Variants in RGPD2 observed in about 807,000 individuals in gnomAD.
The protein encoded by RGPD2 is RANBP2-like and GRIP domain-containing protein 2.
In RGPD2, 2 loss-of-function variants were observed where a neutral mutation model predicts 36.0. The observed-to-expected ratio is 0.06, with a 90% confidence interval of 0.02 to 0.17. RGPD2 has a LOEUF of 0.17. Among genes scored for constraint, RGPD2 ranks in the 10% least tolerant of loss-of-function variants. The pLI is 1.00. For synonymous variants in RGPD2, 19 were observed against 163.8 expected (o/e 0.12, Z 6.75); for missense variants, 40 against 464.3 (o/e 0.09, Z 8.40).
chr2:87,829,181 T>A (rs1686905011), upstream of RGPD2, among the ~76,000 whole-genome samples: 2 of 39,160 alleles, frequency 5.1e-5, no homozygotes, highest in African/African-American at 1.7e-4. Context: ...ACTTTAAAAT[T>A]GCTTTAACAG....
the RGPD2 span, among the ~76,000 whole-genome samples, chr2:87,857,906 C>T: frequency 1.4e-4 from 21 of 152,126 alleles, no homozygotes; most frequent in Middle Eastern, 3.4e-3. Context: ...TGAGTAGATA[C>T]TGTATGTAGT....
chr2:87,883,326 T>TA, the RGPD2 span, among the ~76,000 whole-genome samples: 1 of 149,400 alleles, frequency 6.7e-6, no homozygotes, highest in Non-Finnish European at 1.5e-5. Context: ...CACAAAAGAA[T>TA]AAAAAAGATA....
At chr2:87,855,745 C>CT in the RGPD2 span, among the ~76,000 whole-genome samples, 1 of 114,196 alleles carries the variant, frequency 8.8e-6, no homozygotes. Context: ...CTTCAGCCTC[C>CT]TGAGTAGCTG....
At chr2:87,985,874 T>C in the RGPD2 span, 2,147 of 1,608,904 alleles carry the variant, frequency 1.3e-3, 4 homozygotes, top group Non-Finnish European at 1.7e-3. Context: ...CTGCTATTTC[T>C]TTTGGCAGGA....
intron 20 of RGPD2, among the ~76,000 whole-genome samples, chr2:87,781,473 T>G (rs1332405988): frequency 3.5e-5 from 5 of 142,346 alleles, no homozygotes; most frequent in Non-Finnish European, 6.1e-5. Flanking sequence ...TGTTTTTTTT[T>G]TTTTTTTTGG....
chr2:87,984,143 C>A, the RGPD2 span, among the ~76,000 whole-genome samples: 1 of 150,204 alleles, frequency 6.7e-6, no homozygotes, highest in Admixed American at 6.7e-5. Flanking sequence ...AAAAACCATT[C>A]CCATTTACTT....
At chr2:87,858,069 A>C in the RGPD2 span, among the ~76,000 whole-genome samples, 1 of 152,270 alleles carries the variant, frequency 6.6e-6, no homozygotes, top group African/African-American at 2.4e-5. Flanking sequence ...GTATACACAT[A>C]TATATGTATT....
At chr2:87,761,649 TCAAA>T (rs1684886894) in intron 22 of RGPD2, among the ~76,000 whole-genome samples, 1 of 38,484 alleles carries the variant, frequency 2.6e-5, no homozygotes. Context: ...TGGGAAAACA[TCAAA>T]CAAACCCATA....
chr2:87,877,800 G>A, the RGPD2 span, among the ~76,000 whole-genome samples: 100 of 88,190 alleles, frequency 1.1e-3, no homozygotes, highest in South Asian at 0.023. Flanking sequence ...GTGAGACTCC[G>A]TCTCAAAAAA....
At chr2:87,807,379 T>TG (rs1685993338) in intron 6 of RGPD2, among the ~76,000 whole-genome samples, 3 of 138,708 alleles carry the variant, frequency 2.2e-5, no homozygotes, top group Non-Finnish European at 4.5e-5. Context: ...AGCGTTAAAT[T>TG]GTTTTTTTTT....
At chr2:87,855,193 G>C in the RGPD2 span, among the ~76,000 whole-genome samples, 1 of 151,792 alleles carries the variant, frequency 6.6e-6, no homozygotes, top group Non-Finnish European at 1.5e-5. Context: ...TTTCCCTTAG[G>C]CTTTCAGGTT....
chr2:87,860,877 A>C, the RGPD2 span, among the ~76,000 whole-genome samples: 1 of 151,526 alleles, frequency 6.6e-6, no homozygotes, highest in Non-Finnish European at 1.5e-5. Flanking sequence ...GCTTCCTGTC[A>C]CAGAAAGGTA....
chr2:87,893,528 T>C, the RGPD2 span, among the ~76,000 whole-genome samples: 1 of 132,628 alleles, frequency 7.5e-6, no homozygotes, highest in Non-Finnish European at 1.6e-5. Context: ...GGGCTTTCTA[T>C]ATTAAGCAGC....
At chr2:87,988,871 T>C in the RGPD2 span, among the ~76,000 whole-genome samples, 1 of 152,022 alleles carries the variant, frequency 6.6e-6, no homozygotes, top group South Asian at 2.1e-4. Context: ...TACTGCACAA[T>C]ATTCCCCAAC....
intron 7 of RGPD2, among the ~76,000 whole-genome samples, chr2:87,805,757 G>A (rs1685924673): frequency 6.6e-6 from 1 of 152,232 alleles, no homozygotes; most frequent in African/African-American, 2.4e-5. Flanking sequence ...CTACTCGGGA[G>A]GCTGAGGCAG....
the RGPD2 span, chr2:87,985,989 T>C: frequency 3.6e-4 from 397 of 1,111,718 alleles, no homozygotes; most frequent in African/African-American, 5.6e-3. Context: ...AACCAAGTTT[T>C]TTTAACTTCT....
At chr2:87,957,046 G>A in the RGPD2 span, among the ~76,000 whole-genome samples, 1 of 150,882 alleles carries the variant, frequency 6.6e-6, no homozygotes, top group Non-Finnish European at 1.5e-5. Flanking sequence ...GCTATAAACA[G>A]AGTGCTCCAA....
the RGPD2 span, among the ~76,000 whole-genome samples, chr2:87,864,607 TA>T: frequency 6.6e-6 from 1 of 150,510 alleles, no homozygotes; most frequent in Non-Finnish European, 1.5e-5. Flanking sequence ...GATAGATAGA[TA>T]GATAGATAGA....
the RGPD2 span, among the ~76,000 whole-genome samples, chr2:87,964,051 G>T: frequency 1.3e-5 from 2 of 151,694 alleles, no homozygotes; most frequent in African/African-American, 2.4e-5. Flanking sequence ...GGACAGGCTG[G>T]TCTTGAACTC....
Sources: allele counts gnomAD v4.1 joint callset (sites outside exome capture counted in the v4.1 genomes callset), GRCh38; gene constraint gnomAD v4.1.1; transcripts MANE v1.5; gene names NCBI Gene and HGNC (gene_info 2026-07-23, HGNC 2026-07-21).